Variants in PLEKHA7 observed in about 807,000 individuals in gnomAD.
The protein encoded by PLEKHA7 is pleckstrin homology domain containing A7.
PLEKHA7 carries 104 observed loss-of-function variants against 170.0 expected under a neutral mutation model. The ratio of observed to expected loss-of-function variants is 0.61; its 90% CI spans 0.52 to 0.72. PLEKHA7 has a LOEUF of 0.72. Ranked by LOEUF, PLEKHA7 falls within the 30% of genes least tolerant of loss-of-function variation. The probability of loss-of-function intolerance (pLI) is 0.00; values close to 1 mark genes in which losing one functional copy is unlikely to be tolerated. For missense variants in PLEKHA7, 1,615 were observed against 1,671.7 expected (o/e 0.97, Z 0.59); for synonymous variants, 648 against 660.8 (o/e 0.98, Z 0.30).
intron 3 of PLEKHA7, among the ~76,000 whole-genome samples, chr11:16,894,737 C>T (rs1036331286): frequency 1.7e-4 from 26 of 152,246 alleles, no homozygotes; most frequent in East Asian, 1.9e-4. Flanking sequence ...ACAGAGAGCC[C>T]GCCATCCCAG....
intron 3 of PLEKHA7, among the ~76,000 whole-genome samples, chr11:16,976,327 A>G (rs1863061267): frequency 6.6e-6 from 1 of 152,306 alleles, no homozygotes; most frequent in South Asian, 2.1e-4. Flanking sequence ...AAGAAGGGAG[A>G]GTGCTCCTCT....
At chr11:16,843,839 A>C (rs1451883493) in intron 8 of PLEKHA7, among the ~76,000 whole-genome samples, 1 of 152,184 alleles carries the variant, frequency 6.6e-6, no homozygotes, top group Non-Finnish European at 1.5e-5. Context: ...CGGGAGGCTG[A>C]GGCATGAAAA....
At chr11:17,013,945 C>CCA (rs1565209407) in intron 3 of PLEKHA7, 44 bp downstream of exon 3, 4 of 1,452,840 alleles carry the variant, frequency 2.8e-6, no homozygotes, top group Non-Finnish European at 3.6e-6. Context: ...GAGGGACCCC[C>CCA]CCCCCGCGGC....
At position 16,809,004 on chromosome 11, in the gene PLEKHA7, T is replaced by C. The variant is rs117928516; in HGVS notation, c.2007+4109A>G. ...GTTATAAAAAAGGGATAATAATTCA[T>C]ATTGCTCAAGTTGCTGAGAGGATTC... On this transcript the variant is annotated intron_variant, in intron 13 of 26. Coordinates refer to ENST00000531066, the MANE Select transcript of PLEKHA7 (RefSeq NM_001329630.2). Among the ~76,000 whole-genome samples the C allele has an allele frequency of 3.6e-4, 55 of 152,306 alleles. No individual in the cohort carries two copies. The East Asian group carries it at 0.011, about 29-fold the overall frequency.
intron 3 of PLEKHA7, among the ~76,000 whole-genome samples, chr11:16,981,627 A>G (rs1014794068): frequency 5.3e-5 from 8 of 151,960 alleles, no homozygotes; most frequent in African/African-American, 1.9e-4. Context: ...TGCTAATAGT[A>G]GACGGGGTTG....
chr11:16,894,889 C>T (rs1376872153), intron 3 of PLEKHA7, among the ~76,000 whole-genome samples: 4 of 152,164 alleles, frequency 2.6e-5, no homozygotes, highest in African/African-American at 4.8e-5. Flanking sequence ...TAACATATTA[C>T]ACTCCAGGCA....
intron 5 of PLEKHA7, chr11:16,855,599 C>T (rs558606272): frequency 1.5e-4 from 85 of 581,900 alleles, no homozygotes; most frequent in African/African-American, 1.4e-3. Flanking sequence ...GACACCAGTG[C>T]TGGGTCTGTC....
intron 24 of PLEKHA7, among the ~76,000 whole-genome samples, chr11:16,784,273 C>T (rs945337970): frequency 3.3e-5 from 5 of 152,200 alleles, no homozygotes; most frequent in Admixed American, 2.0e-4. Context: ...TCTTTTCAAC[C>T]TCACTTTGAG....
intron 13 of PLEKHA7, among the ~76,000 whole-genome samples, chr11:16,804,155 C>G (rs1432074640): frequency 6.6e-6 from 1 of 152,160 alleles, no homozygotes; most frequent in East Asian, 1.9e-4. Flanking sequence ...GTGACTTTCA[C>G]AGATGCACCC....
intron 3 of PLEKHA7, among the ~76,000 whole-genome samples, chr11:17,003,166 T>C (rs1391354739): frequency 2.6e-5 from 4 of 152,072 alleles, no homozygotes; most frequent in Non-Finnish European, 5.9e-5. Flanking sequence ...AATTTTGATA[T>C]TTTTAGTAGA....
chr11:16,836,808 G>GT (rs144617254), intron 9 of PLEKHA7, among the ~76,000 whole-genome samples: 18 of 144,812 alleles, frequency 1.2e-4, no homozygotes, highest in East Asian at 6.0e-4. Flanking sequence ...TTTTTTTTTT[G>GT]TTTTTTCTGT....
chr11:16,989,211 G>A (rs189602428), intron 3 of PLEKHA7, among the ~76,000 whole-genome samples: 1 of 152,294 alleles, frequency 6.6e-6, no homozygotes, highest in Admixed American at 6.5e-5. Context: ...TGGCCATGTG[G>A]GAGCAAGGAC....
intron 17 of PLEKHA7, among the ~76,000 whole-genome samples, chr11:16,796,785 A>T (rs1848259331): frequency 1.3e-5 from 2 of 152,108 alleles, no homozygotes; most frequent in South Asian, 4.1e-4. Flanking sequence ...CCTCCCAAGT[A>T]GCTAGGAGTA....
At chr11:16,855,536 C>T (rs535341663) in intron 5 of PLEKHA7, 11 of 427,284 alleles carry the variant, frequency 2.6e-5, no homozygotes, top group African/African-American at 1.6e-4. Flanking sequence ...TAAATAGAAA[C>T]GTGGCCCTCC....
At chr11:16,915,886 G>A (rs1858630465) in intron 3 of PLEKHA7, among the ~76,000 whole-genome samples, 1 of 150,168 alleles carries the variant, frequency 6.7e-6, no homozygotes, top group African/African-American at 2.5e-5. Flanking sequence ...CCATTAATGG[G>A]ATGGCTGGGT....
chr11:16,871,386 G>A (rs1854833173), intron 3 of PLEKHA7, among the ~76,000 whole-genome samples: 1 of 152,168 alleles, frequency 6.6e-6, no homozygotes, highest in South Asian at 2.1e-4. Flanking sequence ...TCAGGTGCCA[G>A]AGCCCACCTA....
chr11:16,816,609 C>T (rs1849774503), intron 11 of PLEKHA7, among the ~76,000 whole-genome samples, 191 bp downstream of exon 11: 1 of 152,236 alleles, frequency 6.6e-6, no homozygotes, highest in Non-Finnish European at 1.5e-5. Flanking sequence ...TAGCACCTAC[C>T]TCACAGGGTT....
chr11:16,975,325 C>T (rs7108957), intron 3 of PLEKHA7, among the ~76,000 whole-genome samples: 150,147 of 152,326 alleles, frequency 0.99, 74,039 homozygotes, highest in East Asian at 1. Flanking sequence ...TCAGCTACCA[C>T]AATAAAGATA....
At chr11:16,992,746 A>C in intron 3 of PLEKHA7, among the ~76,000 whole-genome samples, 2 of 126,304 alleles carry the variant, frequency 1.6e-5, no homozygotes, top group Non-Finnish European at 3.2e-5. Context: ...ACAGAGCAAG[A>C]CTCTATCTCA....
Sources: allele counts gnomAD v4.1 joint callset (sites outside exome capture counted in the v4.1 genomes callset), GRCh38; gene constraint gnomAD v4.1.1; transcripts MANE v1.5; gene names NCBI Gene and HGNC (gene_info 2026-07-23, HGNC 2026-07-21).